The following ARL13B variants were observed in gnomAD, a reference collection of about 807,000 sequenced individuals.
ARL13B encodes the protein ARF like GTPase 13B.
In ARL13B, 36 loss-of-function variants were observed where a neutral mutation model predicts 56.1. The ratio of observed to expected loss-of-function variants is 0.64; its 90% CI spans 0.49 to 0.85. The LOEUF is 0.85. Among genes scored for constraint, ARL13B ranks in the 40% least tolerant of loss-of-function variants. The pLI is 0.00. For missense variants in ARL13B, 519 were observed against 507.1 expected, an observed-to-expected ratio of 1.02 and a Z score of -0.23; for synonymous variants, 178 against 171.1, an observed-to-expected ratio of 1.04 and a Z score of -0.32.
At chr3:94,032,997 TTG>T (rs1297829208) in intron 3 of ARL13B, among the ~76,000 whole-genome samples, 1 of 152,182 alleles carries the variant, frequency 6.6e-6, no homozygotes, top group Non-Finnish European at 1.5e-5. Flanking sequence ...AAGAAAATGT[TTG>T]TGTGTGTGTT....
chr3:94,042,422 T>G lies in ARL13B; in HGVS notation c.799-593T>G, dbSNP rs200276481. ...TAAAATAGTGAAAAATTGGAAATACTTTGTTCATTGATACAGAATTGGTAT... is the reference window on the plus strand; with the variant it reads ...TAAAATAGTGAAAAATTGGAAATACGTTGTTCATTGATACAGAATTGGTAT... On this transcript the variant is annotated intron_variant, in intron 6 of 9. Transcript: ENST00000394222. Among the ~76,000 whole-genome samples, 53 of 152,330 alleles carry G rather than the reference T, an allele frequency of 3.5e-4. No homozygotes were observed. In the East Asian group the frequency reaches 9.3e-3, roughly 27 times the overall value.
intron 1 of ARL13B, among the ~76,000 whole-genome samples, chr3:93,980,726 AGTGTGTGTGTGT>A (rs35756044): frequency 1.7e-4 from 25 of 147,064 alleles, no homozygotes; most frequent in East Asian, 1.0e-3. Context: ...TTTGTTAAAA[AGTGTGTGTGTGT>A]GTGTGTGTGT....
intron 2 of ARL13B, among the ~76,000 whole-genome samples, chr3:94,002,007 A>G (rs2076063774): frequency 6.6e-6 from 1 of 152,192 alleles, no homozygotes; most frequent in Non-Finnish European, 1.5e-5. Flanking sequence ...TAACTTTCTC[A>G]GGTGCTGTGT....
intron 3 of ARL13B, among the ~76,000 whole-genome samples, chr3:94,019,094 C>A (rs1365270287): frequency 6.6e-6 from 1 of 151,358 alleles, no homozygotes; most frequent in African/African-American, 2.4e-5. Flanking sequence ...TTTTTTTCTA[C>A]ATTTCATATG....
chr3:94,030,331 A>G (rs1324001984), intron 3 of ARL13B, among the ~76,000 whole-genome samples: 1 of 150,950 alleles, frequency 6.6e-6, no homozygotes, highest in Non-Finnish European at 1.5e-5. Context: ...GGTTCAAGCG[A>G]TTCTCATGCC....
At chr3:94,001,566 CA>C (rs1361876116) in intron 2 of ARL13B, among the ~76,000 whole-genome samples, 1 of 152,142 alleles carries the variant, frequency 6.6e-6, no homozygotes, top group African/African-American at 2.4e-5. Context: ...TGAATTCCTA[CA>C]CACTATCGTC....
Position 94,016,155 on chromosome 3 carries a change from G to A in ARL13B, c.380+12247G>A, listed in dbSNP as rs561470192. 7.9e-5 allele frequency among the ~76,000 whole-genome samples: 12 copies of A among 152,134 alleles called. No homozygotes were observed. The East Asian group carries it at 2.3e-3, about 29-fold the overall frequency. ...ATGACATACATACATATAAAATGAA[G>A]GGAATAAAAAGCAGTAAAATGCTAT... On this transcript the variant is annotated intron_variant, in intron 3 of 9. Coordinates refer to ENST00000394222, the MANE Select transcript of ARL13B (RefSeq NM_001174150.2).
intron 3 of ARL13B, among the ~76,000 whole-genome samples, chr3:94,021,184 A>T (rs12637356): frequency 0.012 from 1,768 of 146,698 alleles, 133 homozygotes; most frequent in Admixed American, 0.1. Flanking sequence ...TAATATTATT[A>T]TATATATATA....
intron 3 of ARL13B, among the ~76,000 whole-genome samples, chr3:94,023,162 C>A (rs996944024): frequency 6.6e-6 from 1 of 152,026 alleles, no homozygotes; most frequent in Non-Finnish European, 1.5e-5. Flanking sequence ...ATTTTCATTA[C>A]TGAAAATATT....
chr3:93,995,938 C>A lies in ARL13B; in HGVS notation c.124C>A (p.Gln42Lys), dbSNP rs762165869. The A allele has an allele frequency of 6.2e-7, 1 of 1,612,836 alleles. No individual in the cohort carries two copies. Among genetic ancestry groups the A allele is most frequent in the Non-Finnish European group, 8.5e-7 (1 of 1,179,208 alleles). Residue 42 changes from glutamine (Q) to lysine (K), a missense_variant, in exon 2 of 10, where the codon CAA (glutamine) becomes AAA (lysine). Gln to Lys is a moderately conservative substitution (Grantham distance 53, BLOSUM62 1). Transcript: ENST00000394222. ...AGKTATAKGIQGEYPEDVAPT... is the reference protein window; with the variant it reads ...AGKTATAKGIKGEYPEDVAPT... ...TAAAACCGCAACAGCAAAGGGAATCCAAGGAGGTAAGCTGAAAACATTTAT... is the reference window on the plus strand; with the variant it reads ...TAAAACCGCAACAGCAAAGGGAATCAAAGGAGGTAAGCTGAAAACATTTAT...
chr3:94,036,827 A>T (rs1291344738), intron 5 of ARL13B, 73 bp downstream of exon 5: 1 of 1,474,208 alleles, frequency 6.8e-7, no homozygotes, highest in Non-Finnish European at 9.3e-7. Context: ...ATCAGTTGTT[A>T]GTTTTATCTG....
rs199753624 is a variant in ARL13B at position 94,014,846 on chromosome 3, G to A, written c.380+10938G>A. The A allele has an allele frequency of 1.2e-4, 201 of 1,613,880 alleles. No homozygotes were observed. The highest frequency in any genetic ancestry group is 4.5e-5 in the Non-Finnish European group (53 of 1,179,972). ...ATAAACATGATTTGCTGAAAATGGC[G>A]GAACATTGCAGCATGCTGAGATTTA... is the stretch of plus-strand genomic sequence containing the variant. On this transcript the variant is annotated intron_variant, in intron 3 of 9. Transcript: ENST00000394222.
intron 3 of ARL13B, among the ~76,000 whole-genome samples, chr3:94,032,972 T>A (rs1266035138): frequency 6.6e-6 from 1 of 152,246 alleles, no homozygotes; most frequent in Non-Finnish European, 1.5e-5. Flanking sequence ...CTAAATGTCC[T>A]TCAATGGATG....
At chr3:94,023,783 A>G (rs2076499525) in intron 3 of ARL13B, among the ~76,000 whole-genome samples, 1 of 152,134 alleles carries the variant, frequency 6.6e-6, no homozygotes, top group Non-Finnish European at 1.5e-5. Flanking sequence ...TCTATATCAA[A>G]TACTGTATTA....
chr3:93,987,359 A>G (rs1710521427), intron 1 of ARL13B, among the ~76,000 whole-genome samples: 2 of 152,174 alleles, frequency 1.3e-5, no homozygotes, highest in African/African-American at 4.8e-5. Context: ...AGATATTCTC[A>G]TATTCTCACT....
intron 1 of ARL13B, among the ~76,000 whole-genome samples, chr3:93,993,594 C>T (rs1575938288): frequency 6.6e-6 from 1 of 152,118 alleles, no homozygotes; most frequent in Non-Finnish European, 1.5e-5. Flanking sequence ...CTAAGCTACT[C>T]ATTTTAAATG....
chr3:94,001,140 A>T (rs574689815), intron 2 of ARL13B, among the ~76,000 whole-genome samples: 2 of 152,330 alleles, frequency 1.3e-5, no homozygotes, highest in African/African-American at 4.8e-5. Flanking sequence ...TGATAGTAGA[A>T]GTAGGAGGAA....
At chr3:93,982,062 T>C (rs1164327268) in intron 1 of ARL13B, among the ~76,000 whole-genome samples, 1 of 152,186 alleles carries the variant, frequency 6.6e-6, no homozygotes, top group Non-Finnish European at 1.5e-5. Context: ...TGTGAAGGCA[T>C]GTATATAACT....
chr3:94,002,057 C>A (rs1175714070), intron 2 of ARL13B, among the ~76,000 whole-genome samples: 1 of 152,154 alleles, frequency 6.6e-6, no homozygotes, highest in Admixed American at 6.5e-5. Context: ...TGGTGTGTTG[C>A]AAGTCTGTTT....
Sources: allele counts gnomAD v4.1 joint callset (sites outside exome capture counted in the v4.1 genomes callset), GRCh38; gene constraint gnomAD v4.1.1; transcripts MANE v1.5; gene names NCBI Gene and HGNC (gene_info 2026-07-23, HGNC 2026-07-21).